Variants in LARGE1 observed in about 807,000 individuals in gnomAD.
LARGE1 encodes the protein xylosyl- and glucuronyltransferase LARGE1.
Under a neutral mutation model 87.6 loss-of-function variants are expected in LARGE1, and 43 were observed. That is an observed-to-expected ratio of 0.49 (90% CI 0.38 to 0.63). The LOEUF (loss-of-function observed/expected upper bound fraction) is 0.63. LARGE1 is among the 30% of genes least tolerant of loss of function. LARGE1 has a pLI of 0.00. For missense variants in LARGE1, 802 were observed against 1,000.2 expected (o/e 0.80, Z 2.67); for synonymous variants, 434 against 394.6 (o/e 1.10, Z -1.18).
intron 3 of LARGE1, among the ~76,000 whole-genome samples, chr22:33,645,919 A>G (rs1445574687): frequency 1.3e-5 from 2 of 152,236 alleles, no homozygotes. Flanking sequence ...TGGAATGGCG[A>G]TCATTAAAAA....
chr22:33,434,241 G>A lies in LARGE1; in HGVS notation c.788-1976C>T, dbSNP rs117915711. On this transcript the variant is annotated intron_variant, in intron 6 of 14. Transcript: ENST00000397394. ...GAGGATGGGAAGTGTCATTGTTGGGGGAGAGGGGTGATACCTAATTATTAA... is the reference window on the plus strand; with the variant it reads ...GAGGATGGGAAGTGTCATTGTTGGGAGAGAGGGGTGATACCTAATTATTAA... 4.1e-3 allele frequency among the ~76,000 whole-genome samples: 618 copies of A among 152,268 alleles called. 3 individuals are homozygous for A. Among genetic ancestry groups the A allele is most frequent in the Middle Eastern group, 0.037 (11 of 294 alleles).
At chr22:33,784,132 C>T (rs1478925058) in intron 1 of LARGE1, among the ~76,000 whole-genome samples, 1 of 152,180 alleles carries the variant, frequency 6.6e-6, no homozygotes, top group Non-Finnish European at 1.5e-5. Context: ...ATTAGAATGG[C>T]TTTTCGTTTC....
intron 11 of LARGE1, among the ~76,000 whole-genome samples, chr22:33,171,030 A>G (rs1480226653): frequency 1.3e-5 from 2 of 152,158 alleles, no homozygotes; most frequent in Non-Finnish European, 2.9e-5. Flanking sequence ...GGAGATAAGG[A>G]AGTTTTTGGG....
At chr22:33,203,193 C>T (rs1234148500) in intron 11 of LARGE1, among the ~76,000 whole-genome samples, 1 of 151,206 alleles carries the variant, frequency 6.6e-6, no homozygotes, top group Non-Finnish European at 1.5e-5. Context: ...ATTCAAGGTC[C>T]CAGTGCAGAT....
At chr22:33,887,443 TAA>T (rs1601853870) in intron 1 of LARGE1, among the ~76,000 whole-genome samples, 4 of 152,238 alleles carry the variant, frequency 2.6e-5, no homozygotes, top group East Asian at 3.9e-4. Context: ...TCGTGTTATT[TAA>T]AAGTCACCTG....
chr22:33,290,522 C>G (rs191460846), intron 12 of LARGE1, among the ~76,000 whole-genome samples: 25 of 152,304 alleles, frequency 1.6e-4, no homozygotes, highest in Non-Finnish European at 2.8e-4. Context: ...GATTGAAGAA[C>G]CACAAAGAGA....
At chr22:33,634,332 T>C (rs936725130) in intron 3 of LARGE1, among the ~76,000 whole-genome samples, 4 of 152,144 alleles carry the variant, frequency 2.6e-5, no homozygotes, top group South Asian at 4.1e-4. Context: ...AGCCTGAGAA[T>C]AGTCTGCATC....
chr22:33,433,450 G>C (rs184919634), intron 6 of LARGE1, among the ~76,000 whole-genome samples: 264 of 151,898 alleles, frequency 1.7e-3, no homozygotes, highest in Non-Finnish European at 2.8e-3. Context: ...CAAAAAATTA[G>C]CCAGGCGTGG....
At chr22:33,919,111 A>G (rs2065869392) in intron 1 of LARGE1, among the ~76,000 whole-genome samples, 2 of 152,042 alleles carry the variant, frequency 1.3e-5, no homozygotes, top group African/African-American at 2.4e-5. Flanking sequence ...CGAAAAAAAA[A>G]AAAAAAAAGA....
Position 33,737,092 on chromosome 22 carries a change from C to T in LARGE1, c.106+24279G>A, listed in dbSNP as rs75937771. Among the ~76,000 whole-genome samples the T allele has an allele frequency of 2.8e-3, 428 of 152,288 alleles. 2 individuals are homozygous for T. The highest frequency in any genetic ancestry group is 0.016 in the South Asian group (79 of 4,820). ...TTCACAGAAGACTGTGGCACCCCCA[C>T]GTAAACAGTCAGATTCAGATGTGCA... On this transcript the variant is annotated intron_variant, in intron 2 of 14. Transcript: ENST00000397394.
chr22:33,638,682 T>C (rs1393952030), intron 3 of LARGE1, among the ~76,000 whole-genome samples: 1 of 152,248 alleles, frequency 6.6e-6, no homozygotes, highest in African/African-American at 2.4e-5. Flanking sequence ...GAAATAATTA[T>C]AAAACCTTTC....
chr22:33,915,314 A>G (rs756448845), intron 1 of LARGE1, among the ~76,000 whole-genome samples: 1 of 152,206 alleles, frequency 6.6e-6, no homozygotes, highest in Non-Finnish European at 1.5e-5. Context: ...CTAACAGCAA[A>G]GGAAGTTTAG....
chr22:33,320,810 G>A (rs564978655), intron 10 of LARGE1: 3 of 152,222 alleles, frequency 2.0e-5, no homozygotes, highest in African/African-American at 7.2e-5. Context: ...CAAGCTCCAC[G>A]TAAGGTGCTG....
intron 1 of LARGE1, among the ~76,000 whole-genome samples, chr22:33,899,542 A>C (rs570597706): frequency 3.2e-4 from 49 of 152,314 alleles, no homozygotes; most frequent in Middle Eastern, 3.4e-3. Flanking sequence ...GCCAAGGGCC[A>C]ACCTAATCTG....
intron 6 of LARGE1, among the ~76,000 whole-genome samples, chr22:33,557,091 C>T (rs1380221525): frequency 2.0e-5 from 3 of 152,168 alleles, no homozygotes; most frequent in Non-Finnish European, 4.4e-5. Context: ...CATTACCTGA[C>T]TTAATCACCA....
intron 6 of LARGE1, among the ~76,000 whole-genome samples, chr22:33,447,907 A>G (rs769572303): frequency 6.6e-6 from 1 of 152,186 alleles, no homozygotes; most frequent in Non-Finnish European, 1.5e-5. Flanking sequence ...CATAAAAAGG[A>G]GCACAGTACT....
intron 1 of LARGE1, among the ~76,000 whole-genome samples, chr22:33,910,610 C>A (rs2065606312): frequency 6.6e-6 from 1 of 152,180 alleles, no homozygotes; most frequent in Non-Finnish European, 1.5e-5. Context: ...AACTCTGCAC[C>A]TCTGTGTTCC....
intron 2 of LARGE1, among the ~76,000 whole-genome samples, chr22:33,688,578 C>T (rs1022075206): frequency 1.3e-5 from 2 of 152,030 alleles, no homozygotes; most frequent in African/African-American, 4.8e-5. Context: ...CTTGAACTCC[C>T]AACCTCAGGT....
chr22:33,129,349 T>C, the LARGE1 span, among the ~76,000 whole-genome samples: 20 of 152,110 alleles, frequency 1.3e-4, no homozygotes, highest in African/African-American at 4.3e-4. Context: ...TATACTCTGA[T>C]GCATTTTCAT....
Sources: gnomAD v4.1 joint callset for allele counts (sites outside exome capture counted in the v4.1 genomes callset) on GRCh38, gnomAD v4.1.1 for gene constraint, MANE v1.5 for transcripts, NCBI Gene and HGNC (gene_info 2026-07-23, HGNC 2026-07-21) for gene names.